The following KIF26B variants were observed in gnomAD, a reference collection of about 807,000 sequenced individuals.
KIF26B encodes the protein kinesin family member 26B.
A neutral mutation model predicts 151.2 loss-of-function variants in KIF26B; 63 were observed. That is an observed-to-expected ratio of 0.42 (90% CI 0.34 to 0.51). The LOEUF is 0.51. Among genes scored for constraint, KIF26B ranks in the 20% least tolerant of loss-of-function variants. KIF26B has a pLI of 0.07. For synonymous variants in KIF26B, 1,357 were observed against 1,262.1 expected (o/e 1.08, Z -1.59); for missense variants, 2,813 against 2,913.6 (o/e 0.97, Z 0.79).
intron 4 of KIF26B, among the ~76,000 whole-genome samples, chr1:245,447,236 G>C (rs1659268455): frequency 6.6e-6 from 1 of 152,186 alleles, no homozygotes; most frequent in East Asian, 1.9e-4. Context: ...TTTGCACAAA[G>C]TCACTTGAGA....
intron 5 of KIF26B, among the ~76,000 whole-genome samples, chr1:245,542,498 A>G (rs6428929): frequency 0.41 from 61,941 of 152,150 alleles, 13,201 homozygotes; most frequent in African/African-American, 0.52. Flanking sequence ...GAGGCAGGGA[A>G]GTGGCCTGGG....
chr1:245,177,919 AG>A (rs1305453309), intron 2 of KIF26B, among the ~76,000 whole-genome samples: 1 of 151,998 alleles, frequency 6.6e-6, no homozygotes, highest in Non-Finnish European at 1.5e-5. Context: ...TTTAGAGAGA[AG>A]GTAAAAAGGT....
intron 10 of KIF26B, among the ~76,000 whole-genome samples, chr1:245,658,923 A>T (rs868704148): frequency 8.6e-5 from 13 of 152,038 alleles, no homozygotes; most frequent in Non-Finnish European, 1.3e-4. Context: ...CTCTCCTATC[A>T]TATGAGCTCA....
chr1:245,483,934 C>T (rs1245565945), intron 4 of KIF26B, among the ~76,000 whole-genome samples: 7 of 151,910 alleles, frequency 4.6e-5, no homozygotes, highest in Admixed American at 2.0e-4. Context: ...TGAGTTTCCT[C>T]ATTCCACCTT....
At chr1:245,544,032 A>T (rs1291291983) in intron 5 of KIF26B, among the ~76,000 whole-genome samples, 1 of 152,194 alleles carries the variant, frequency 6.6e-6, no homozygotes, top group Non-Finnish European at 1.5e-5. Flanking sequence ...CTTCCATTTC[A>T]GCAGGCTCTT....
intron 2 of KIF26B, among the ~76,000 whole-genome samples, chr1:245,287,665 G>A (rs7535092): frequency 0.059 from 8,971 of 151,920 alleles, 528 homozygotes; most frequent in African/African-American, 0.15. Context: ...CACCACGCCC[G>A]GCTAATTTTG....
At chr1:245,464,620 G>A (rs1409898853) in intron 4 of KIF26B, among the ~76,000 whole-genome samples, 1 of 148,700 alleles carries the variant, frequency 6.7e-6, no homozygotes, top group African/African-American at 2.5e-5. Context: ...GGGTGTGTGG[G>A]TGTGTGCATG....
At chr1:245,489,383 C>T (rs76491148) in intron 4 of KIF26B, among the ~76,000 whole-genome samples, 2,806 of 152,284 alleles carry the variant, frequency 0.018, 96 homozygotes, top group African/African-American at 0.063. Flanking sequence ...CTGGAAGTAA[C>T]TCCTATAGCT....
intron 10 of KIF26B, among the ~76,000 whole-genome samples, chr1:245,650,196 C>T (rs760276603): frequency 6.6e-6 from 1 of 152,258 alleles, no homozygotes; most frequent in Non-Finnish European, 1.5e-5. Context: ...GAGCCTCCAC[C>T]TCCAGGGAAC....
chr1:245,207,502 A>C (rs1241230138), intron 2 of KIF26B, among the ~76,000 whole-genome samples: 2 of 152,182 alleles, frequency 1.3e-5, no homozygotes, highest in Non-Finnish European at 2.9e-5. Context: ...ATAAGGACTT[A>C]CAAGGGACTT....
intron 10 of KIF26B, among the ~76,000 whole-genome samples, chr1:245,661,367 T>G (rs2044136139): frequency 6.6e-6 from 1 of 152,048 alleles, no homozygotes; most frequent in African/African-American, 2.4e-5. Context: ...TTTGTTCCTT[T>G]TGAGCCTTTT....
chr1:245,596,844 T>A (rs190544250), intron 5 of KIF26B, among the ~76,000 whole-genome samples: 2 of 152,220 alleles, frequency 1.3e-5, no homozygotes, highest in African/African-American at 4.8e-5. Context: ...ATATTTAGGA[T>A]CATTAGCTCT....
At chr1:245,676,454 T>G (rs903020423) in intron 10 of KIF26B, 9 of 152,256 alleles carry the variant, frequency 5.9e-5, no homozygotes, top group African/African-American at 2.2e-4. Flanking sequence ...GCAGATTGGT[T>G]AGGATTTTGA....
chr1:245,689,026 C>T (rs1244264559), intron 12 of KIF26B, among the ~76,000 whole-genome samples: 3 of 152,110 alleles, frequency 2.0e-5, no homozygotes, highest in African/African-American at 4.8e-5. Flanking sequence ...CCCGGCACCC[C>T]GCGGGGCTCC....
At chr1:245,314,338 G>T (rs1671722587) in intron 2 of KIF26B, among the ~76,000 whole-genome samples, 1 of 152,090 alleles carries the variant, frequency 6.6e-6, no homozygotes, top group Non-Finnish European at 1.5e-5. Flanking sequence ...TGGAATCCCA[G>T]CTACTCGGGA....
intron 9 of KIF26B, among the ~76,000 whole-genome samples, chr1:245,622,015 T>G (rs1353217170): frequency 6.6e-6 from 1 of 152,266 alleles, no homozygotes; most frequent in Non-Finnish European, 1.5e-5. Flanking sequence ...AATGGACTGT[T>G]AGAGTCAGAA....
chr1:245,377,953 C>T (rs758374905), intron 3 of KIF26B, among the ~76,000 whole-genome samples: 24 of 152,152 alleles, frequency 1.6e-4, no homozygotes, highest in Non-Finnish European at 2.9e-4. Context: ...ACAAAGTCAA[C>T]GATCAACCTG....
chr1:245,520,700 G>A (rs535778815), intron 4 of KIF26B, among the ~76,000 whole-genome samples: 1 of 151,930 alleles, frequency 6.6e-6, no homozygotes, highest in South Asian at 2.1e-4. Flanking sequence ...TGCATAGCAT[G>A]CACCATTCCT....
chr1:245,356,513 C>T (rs892229193), intron 2 of KIF26B, among the ~76,000 whole-genome samples: 2 of 151,986 alleles, frequency 1.3e-5, no homozygotes, highest in African/African-American at 4.8e-5. Context: ...GCCGAGATTG[C>T]ACCATTGTAC....
Sources: allele counts gnomAD v4.1 joint callset (sites outside exome capture counted in the v4.1 genomes callset), GRCh38; gene constraint gnomAD v4.1.1; transcripts MANE v1.5; gene names NCBI Gene and HGNC (gene_info 2026-07-23, HGNC 2026-07-21).